NALF1: variants seen among roughly 807,000 people sequenced by gnomAD.
NALF1 encodes NALCN channel auxiliary factor 1, also known as family with sequence similarity 155 member A.
In NALF1, 3 loss-of-function variants were observed where a neutral mutation model predicts 48.4. The ratio of observed to expected loss-of-function variants is 0.06; its 90% CI spans 0.03 to 0.16. NALF1 has a LOEUF of 0.16. NALF1 is among the 10% of genes least tolerant of loss of function. The probability of loss-of-function intolerance (pLI) is 1.00; values close to 1 mark genes in which losing one functional copy is unlikely to be tolerated. For missense variants in NALF1, 526 were observed against 571.5 expected (o/e 0.92, Z 0.81); for synonymous variants, 262 against 245.7 (o/e 1.07, Z -0.62).
chr13:107,592,381 AT>A (rs1442166676), intron 1 of NALF1, among the ~76,000 whole-genome samples: 1 of 151,896 alleles, frequency 6.6e-6, no homozygotes, highest in East Asian at 1.9e-4. Context: ...AAGAGGAAGA[AT>A]TCATTTAAAA....
intron 1 of NALF1, among the ~76,000 whole-genome samples, chr13:107,783,338 G>A (rs1400218565): frequency 1.3e-5 from 2 of 151,408 alleles, no homozygotes; most frequent in Non-Finnish European, 2.9e-5. Context: ...CCCTCTGCCC[G>A]GCCACCACCC....
At chr13:107,368,038 T>C (rs890522894) in intron 1 of NALF1, among the ~76,000 whole-genome samples, 2 of 152,212 alleles carry the variant, frequency 1.3e-5, no homozygotes, top group African/African-American at 4.8e-5. Flanking sequence ...CCTATGTATA[T>C]AAAATATGTG....
chr13:107,533,114 C>T (rs371894596), intron 1 of NALF1, among the ~76,000 whole-genome samples: 119 of 152,188 alleles, frequency 7.8e-4, no homozygotes, highest in Middle Eastern at 3.4e-3. Flanking sequence ...AATATCCCCA[C>T]GAAAAGAGAG....
intron 1 of NALF1, among the ~76,000 whole-genome samples, chr13:107,466,912 G>A (rs1156902958): frequency 6.6e-6 from 1 of 152,080 alleles, no homozygotes; most frequent in South Asian, 2.1e-4. Context: ...GTGCAACCAG[G>A]GTATGGGTGT....
chr13:107,842,305 T>A (rs1004861171), intron 1 of NALF1, among the ~76,000 whole-genome samples: 5 of 151,940 alleles, frequency 3.3e-5, no homozygotes, highest in Non-Finnish European at 5.9e-5. Flanking sequence ...CTGAGAGAAA[T>A]CAAATTATTT....
rs956061426 is a variant in NALF1, at chr13:107,455,744, T to C, written c.916-244989A>G. Among the ~76,000 whole-genome samples, 8 of 152,222 alleles carry C rather than the reference T, an allele frequency of 5.3e-5. No homozygotes were observed. In the East Asian group the frequency reaches 1.3e-3, roughly 26 times the overall value. On this transcript the variant is annotated intron_variant, in intron 1 of 2. Transcript: ENST00000375915. ...GCAAGCACTGATCCCTTTGTCTTCA[T>C]AGATTTGCCTTTCCCAGAATATCAT...
intron 1 of NALF1, among the ~76,000 whole-genome samples, chr13:107,797,604 C>T (rs560706615): frequency 6.6e-6 from 1 of 152,300 alleles, no homozygotes; most frequent in Admixed American, 6.5e-5. Context: ...AGTCAGTGTT[C>T]TGGGCACTGG....
At chr13:107,641,461 C>T (rs1880153660) in intron 1 of NALF1, among the ~76,000 whole-genome samples, 1 of 152,118 alleles carries the variant, frequency 6.6e-6, no homozygotes, top group Non-Finnish European at 1.5e-5. Context: ...AGTCCACTAT[C>T]ATTATTTAAT....
intron 1 of NALF1, among the ~76,000 whole-genome samples, chr13:107,335,524 T>C (rs1318648467): frequency 6.6e-6 from 1 of 152,242 alleles, no homozygotes; most frequent in African/African-American, 2.4e-5. Flanking sequence ...CATTTTCTTT[T>C]AATTTTCCAC....
At chr13:107,452,372 T>C (rs1884756337) in intron 1 of NALF1, among the ~76,000 whole-genome samples, 1 of 152,094 alleles carries the variant, frequency 6.6e-6, no homozygotes, top group Non-Finnish European at 1.5e-5. Context: ...AAACTTAAAA[T>C]CATGGTGAAA....
rs144558152 is a variant in NALF1, at chr13:107,207,377, G to A, written c.1087+3207C>T. Among the ~76,000 whole-genome samples the A allele has an allele frequency of 2.4e-3, 367 of 152,212 alleles. 8 individuals are homozygous for A. Among genetic ancestry groups the A allele is most frequent in the Admixed American group, 0.018 (270 of 15,278 alleles). ...TATAATGTAAACTATTTAAAAATCCGTGTACATTTGTAGGAGACGGACATC... is the reference window on the plus strand; with the variant it reads ...TATAATGTAAACTATTTAAAAATCCATGTACATTTGTAGGAGACGGACATC... On this transcript the variant is annotated intron_variant, in intron 2 of 2. Transcript: ENST00000375915.
intron 1 of NALF1, among the ~76,000 whole-genome samples, chr13:107,842,776 A>T (rs1482143512): frequency 6.6e-6 from 1 of 152,048 alleles, no homozygotes; most frequent in Non-Finnish European, 1.5e-5. Context: ...TCAACTTCCT[A>T]GGTTATTAGT....
chr13:107,492,081 C>G (rs67868724), intron 1 of NALF1, among the ~76,000 whole-genome samples: 28,788 of 129,402 alleles, frequency 0.22, 3,462 homozygotes, highest in Middle Eastern at 0.36. Flanking sequence ...ATCACTCTGT[C>G]GCCCAGGCTG....
intron 1 of NALF1, among the ~76,000 whole-genome samples, chr13:107,595,503 C>T (rs1360624536): frequency 6.6e-6 from 1 of 152,074 alleles, no homozygotes; most frequent in Non-Finnish European, 1.5e-5. Flanking sequence ...TTTCATGGCC[C>T]ACCATCTACA....
intron 1 of NALF1, among the ~76,000 whole-genome samples, chr13:107,244,551 G>GT (rs981971197): frequency 6.6e-6 from 1 of 152,172 alleles, no homozygotes; most frequent in African/African-American, 2.4e-5. Flanking sequence ...TGTCAATCTA[G>GT]TTTTTTTGGA....
At chr13:107,581,746 T>C (rs1294008394) in intron 1 of NALF1, among the ~76,000 whole-genome samples, 4 of 152,144 alleles carry the variant, frequency 2.6e-5, no homozygotes, top group Non-Finnish European at 5.9e-5. Flanking sequence ...AACTAGCAAA[T>C]TGCATCTATT....
At chr13:107,571,256 C>G (rs928648605) in intron 1 of NALF1, among the ~76,000 whole-genome samples, 4 of 152,016 alleles carry the variant, frequency 2.6e-5, no homozygotes, top group Admixed American at 2.0e-4. Context: ...TCAGGTGACC[C>G]TTGGATGCTT....
chr13:107,448,473 T>C (rs961825192), intron 1 of NALF1, among the ~76,000 whole-genome samples: 4 of 152,228 alleles, frequency 2.6e-5, no homozygotes, highest in African/African-American at 7.2e-5. Context: ...GAGTTGGTCT[T>C]GTCTCTGCAA....
At chr13:107,386,617 C>T (rs1490705131) in intron 1 of NALF1, among the ~76,000 whole-genome samples, 1 of 152,186 alleles carries the variant, frequency 6.6e-6, no homozygotes, top group Admixed American at 6.5e-5. Context: ...TTGACAATCA[C>T]CTGCCTCTGC....
Sources: allele counts gnomAD v4.1 joint callset (sites outside exome capture counted in the v4.1 genomes callset), GRCh38; gene constraint gnomAD v4.1.1; transcripts MANE v1.5; gene names NCBI Gene and HGNC (gene_info 2026-07-23, HGNC 2026-07-21).